Variants in TRPM3 observed in about 807,000 individuals in gnomAD.
TRPM3 encodes the protein long transient receptor potential channel 3.
TRPM3 carries 77 observed loss-of-function variants against 181.2 expected under a neutral mutation model. The ratio of observed to expected loss-of-function variants is 0.42; its 90% confidence interval spans 0.35 to 0.51. The LOEUF (loss-of-function observed/expected upper bound fraction) is 0.51. Among genes scored for constraint, TRPM3 ranks in the 20% least tolerant of loss-of-function variants. The pLI, the probability that TRPM3 is intolerant of heterozygous loss-of-function variation, is 0.01. For synonymous variants in TRPM3, 745 were observed against 796.4 expected, an observed-to-expected ratio of 0.94 and a Z score of 1.09; for missense variants, 1,759 against 2,196.7, an observed-to-expected ratio of 0.80 and a Z score of 3.98.
chr9:71,078,019 A>T (rs2133687190), intron 1 of TRPM3, among the ~76,000 whole-genome samples: 1 of 151,348 alleles, frequency 6.6e-6, no homozygotes, highest in East Asian at 1.9e-4. Context: ...TTAAATGCAG[A>T]TATCTTTTGA....
In TRPM3 at chr9:70,827,970, C is replaced by T; in HGVS notation, c.850G>A (p.Val284Ile). 2 of 1,614,002 alleles carry T rather than the reference C, an allele frequency of 1.2e-6. No homozygotes were observed. The highest frequency in any genetic ancestry group is 1.7e-5 in the Admixed American group (1 of 60,016). ...AAGTGGGAATGCATGCTGTTGAGAA[C>T]AGTGAGCTTGCTCATGGGATTGGAC... is the stretch of plus-strand genomic sequence containing the variant. ...TMSNPMSKLTVLNSMHSHFIL... is the reference protein window; with the variant it reads ...TMSNPMSKLTILNSMHSHFIL... Residue 284 changes from valine (V) to isoleucine (I), a missense_variant, in exon 6 of 26, where the codon GTT (valine) becomes ATT (isoleucine). Val to Ile is a conservative substitution (Grantham distance 29). Coordinates refer to ENST00000677713, the MANE Select transcript of TRPM3 (RefSeq NM_001366145.2).
chr9:71,231,144 C>T (rs146293307), intron 1 of TRPM3, among the ~76,000 whole-genome samples: 133 of 152,262 alleles, frequency 8.7e-4, no homozygotes, highest in Non-Finnish European at 1.7e-3. Context: ...TCCTAATCCC[C>T]ACAGCCCATT....
intron 1 of TRPM3, among the ~76,000 whole-genome samples, chr9:71,052,341 A>G (rs1474018277): frequency 6.6e-6 from 1 of 152,164 alleles, no homozygotes; most frequent in Non-Finnish European, 1.5e-5. Flanking sequence ...TTGAAAACCC[A>G]CGAAGGAAGA....
chr9:70,759,879 T>C (rs1411310351), intron 8 of TRPM3, among the ~76,000 whole-genome samples: 19 of 152,092 alleles, frequency 1.2e-4, no homozygotes, highest in Admixed American at 1.2e-3. Context: ...AAATATCTAA[T>C]GTAGATGATG....
chr9:70,917,045 C>T, intron 1 of TRPM3: 1 of 1,588,560 alleles, frequency 6.3e-7, no homozygotes, highest in South Asian at 1.1e-5. Context: ...TGGTATGTCG[C>T]TAAGGCAAGA....
intron 10 of TRPM3, 89 bp downstream of exon 10, chr9:70,640,471 C>CGTT: frequency 2.0e-6 from 2 of 978,344 alleles, no homozygotes; most frequent in Non-Finnish European, 3.1e-6. Context: ...AAAAAGCAAT[C>CGTT]GTTTTCTGAG....
At position 71,267,727 on chromosome 9, in the gene TRPM3, G is replaced by A. The variant is rs946537492; in HGVS notation, c.183+178926C>T. Among the ~76,000 whole-genome samples the A allele has an allele frequency of 2.6e-5, 4 of 152,078 alleles. No homozygotes were observed. In the East Asian group the frequency reaches 7.7e-4, roughly 29 times the overall value. ...TATTTTTTAAATGCCCAGCCACACA[G>A]ATGGGCATTTATTTTAGGTCACCTA... On this transcript the variant is annotated intron_variant, in intron 1 of 24. Coordinates refer to the TRPM3 transcript ENST00000357533.
At chr9:70,649,192 C>CTTT (rs58145886) in intron 9 of TRPM3, among the ~76,000 whole-genome samples, 45,501 of 144,006 alleles carry the variant, frequency 0.32, 7,421 homozygotes, top group East Asian at 0.45. Context: ...TGAACAGACA[C>CTTT]TTTTTTTTTT....
At chr9:71,314,456 T>C (rs938023837) in intron 1 of TRPM3, among the ~76,000 whole-genome samples, 3 of 152,164 alleles carry the variant, frequency 2.0e-5, no homozygotes, top group Non-Finnish European at 4.4e-5. Flanking sequence ...CTTTTAAAAT[T>C]GGGAAAATTA....
intron 8 of TRPM3, among the ~76,000 whole-genome samples, chr9:70,744,758 CA>C (rs1483061589): frequency 1.3e-5 from 2 of 152,180 alleles, no homozygotes; most frequent in East Asian, 3.9e-4. Flanking sequence ...GTGAATCTCA[CA>C]GTTTAATATT....
At chr9:71,381,749 T>C (rs1015174692) in intron 1 of TRPM3, among the ~76,000 whole-genome samples, 4 of 152,244 alleles carry the variant, frequency 2.6e-5, no homozygotes, top group Admixed American at 2.0e-4. Context: ...TCAGAGCCCA[T>C]ACAATTCACA....
chr9:71,209,843 T>C (rs972966215), intron 1 of TRPM3, among the ~76,000 whole-genome samples: 8 of 152,258 alleles, frequency 5.3e-5, no homozygotes, highest in Non-Finnish European at 7.3e-5. Context: ...CTCATTCATT[T>C]ACATTCTGTC....
chr9:70,606,373 A>T (rs1313390355), intron 19 of TRPM3, among the ~76,000 whole-genome samples: 1 of 151,846 alleles, frequency 6.6e-6, no homozygotes, highest in African/African-American at 2.4e-5. Context: ...ATTATTGGTT[A>T]TGTTTCCTCC....
chr9:71,252,598 A>G (rs1459253784), intron 1 of TRPM3, among the ~76,000 whole-genome samples: 1 of 152,190 alleles, frequency 6.6e-6, no homozygotes, highest in Non-Finnish European at 1.5e-5. Context: ...CAGGGAGCTA[A>G]GAGGAGCCAT....
At chr9:70,549,343 A>T (rs1469093769) in intron 25 of TRPM3, among the ~76,000 whole-genome samples, 199 bp downstream of exon 25, 1 of 152,230 alleles carries the variant, frequency 6.6e-6, no homozygotes, top group Non-Finnish European at 1.5e-5. Flanking sequence ...CTGCTAGAGA[A>T]GTCTAGGATC....
intron 1 of TRPM3, among the ~76,000 whole-genome samples, chr9:71,282,143 AG>A (rs1273609613): frequency 6.8e-6 from 1 of 146,342 alleles, no homozygotes; most frequent in Admixed American, 6.7e-5. Flanking sequence ...AAAGAAAGAA[AG>A]GAAAGAAAGA....
intron 1 of TRPM3, among the ~76,000 whole-genome samples, chr9:71,210,538 T>G (rs1045909780): frequency 9.3e-4 from 141 of 152,268 alleles, no homozygotes; most frequent in African/African-American, 3.2e-3. Context: ...CTATACTGAC[T>G]CCTTCTGGTA....
intron 1 of TRPM3, among the ~76,000 whole-genome samples, chr9:71,211,835 C>T (rs534085413): frequency 3.9e-4 from 60 of 152,106 alleles, no homozygotes; most frequent in Non-Finnish European, 7.8e-4. Flanking sequence ...TGCAATGATC[C>T]GATTTCCAAA....
chr9:70,609,126 C>T (rs564619130), intron 19 of TRPM3, among the ~76,000 whole-genome samples: 2 of 152,156 alleles, frequency 1.3e-5, no homozygotes, highest in South Asian at 2.1e-4. Context: ...CCTATAAAAT[C>T]GGAACTACTA....
Sources: allele counts gnomAD v4.1 joint callset (sites outside exome capture counted in the v4.1 genomes callset), GRCh38; gene constraint gnomAD v4.1.1; transcripts MANE v1.5; gene names NCBI Gene and HGNC (gene_info 2026-07-23, HGNC 2026-07-21).